The following KIRREL3 variants were observed in gnomAD, a reference collection of about 807,000 sequenced individuals.
The protein encoded by KIRREL3 is kin of IRRE-like protein 3.
A neutral mutation model predicts 89.7 loss-of-function variants in KIRREL3; 36 were observed. The observed-to-expected ratio is 0.40, with a 90% CI of 0.31 to 0.53. The LOEUF (loss-of-function observed/expected upper bound fraction) is 0.53, where lower values mean the gene tolerates loss of function less well. Ranked by LOEUF, KIRREL3 falls within the 20% of genes least tolerant of loss-of-function variation. KIRREL3 has a pLI of 0.49. For missense variants in KIRREL3, 864 were observed against 1,056.6 expected (o/e 0.82, Z 2.53); for synonymous variants, 445 against 441.4 (o/e 1.01, Z -0.10).
At chr11:126,887,879 G>A (rs1945760623) in intron 1 of KIRREL3, among the ~76,000 whole-genome samples, 1 of 152,192 alleles carries the variant, frequency 6.6e-6, no homozygotes, top group Non-Finnish European at 1.5e-5. Context: ...CCCTGGGGAT[G>A]GAATGAGACA....
chr11:126,869,539 C>G (rs1370205467), intron 1 of KIRREL3, among the ~76,000 whole-genome samples: 1 of 152,112 alleles, frequency 6.6e-6, no homozygotes, highest in Non-Finnish European at 1.5e-5. Context: ...TAGATAAATT[C>G]CTCTAATTGT....
chr11:126,602,281 G>A (rs1024835279), intron 1 of KIRREL3, among the ~76,000 whole-genome samples: 14 of 152,124 alleles, frequency 9.2e-5, no homozygotes, highest in African/African-American at 3.1e-4. Flanking sequence ...TTTGGGTCTT[G>A]GGGTTATGGA....
intron 1 of KIRREL3, among the ~76,000 whole-genome samples, chr11:126,852,152 C>A (rs913431302): frequency 2.0e-5 from 3 of 149,538 alleles, no homozygotes; most frequent in African/African-American, 4.9e-5. Flanking sequence ...CTCCCGGGTT[C>A]AAGCGATTCT....
intron 1 of KIRREL3, among the ~76,000 whole-genome samples, chr11:126,866,020 G>A (rs1944906474): frequency 6.6e-6 from 1 of 152,132 alleles, no homozygotes; most frequent in African/African-American, 2.4e-5. Context: ...CACAGGGAAG[G>A]GATTGTTCAT....
intron 1 of KIRREL3, among the ~76,000 whole-genome samples, chr11:126,956,166 C>T (rs921649263): frequency 1.3e-5 from 2 of 152,144 alleles, no homozygotes; most frequent in African/African-American, 2.4e-5. Flanking sequence ...TTCATTCATT[C>T]GTTCACTTAC....
Position 126,601,313 on chromosome 11 carries a change from G to T in KIRREL3, c.56-38401C>A, listed in dbSNP as rs913109747. On this transcript the variant is annotated intron_variant, in intron 1 of 16. Coordinates refer to ENST00000525144, the MANE Select transcript of KIRREL3 (RefSeq NM_032531.4). The surrounding 1 kb of genome is among the most constrained non-coding windows in gnomAD (Gnocchi z 5.8). ...CTGGCAGAGAGACTGAGCGGCAGCC[G>T]TGGGCATCTTGGGTTTTGCAGCTCA... is the stretch of plus-strand genomic sequence containing the variant. 6.6e-6 allele frequency among the ~76,000 whole-genome samples: 1 copy of T among 152,306 alleles called. No individual in the cohort carries two copies. Among genetic ancestry groups the T allele is most frequent in the African/African-American group, 2.4e-5 (1 of 41,572 alleles).
At position 126,990,270 on chromosome 11, in the gene KIRREL3, G is replaced by A. The variant is rs984398634; in HGVS notation, c.55+10185C>T. On this transcript the variant is annotated intron_variant, in intron 1 of 16. Coordinates refer to ENST00000525144, the MANE Select transcript of KIRREL3 (RefSeq NM_032531.4). The surrounding 1 kb of genome is among the most constrained non-coding windows in gnomAD (Gnocchi z 6.3). ...CTCTCTCAAGCCCCTCTGAGCATTT[G>A]CAATTGTACCCCCTTAGCTGCTGCC... Among the ~76,000 whole-genome samples, 3 of 152,140 alleles carry A rather than the reference G, an allele frequency of 2.0e-5. No individual in the cohort carries two copies. The highest frequency in any genetic ancestry group is 7.2e-5 in the African/African-American group (3 of 41,430).
In KIRREL3 at chr11:126,687,708, G is replaced by A. The variant is rs1054127722; in HGVS notation, c.56-124796C>T. ...CTACATGCCAGGCATTGTTTTGGAT[G>A]CTGGGGATACAAAGATAAGTGCTCT... On this transcript the variant is annotated intron_variant, in intron 1 of 16. Coordinates refer to ENST00000525144, the MANE Select transcript of KIRREL3 (RefSeq NM_032531.4). The surrounding 1 kb of genome is among the most constrained non-coding windows in gnomAD (Gnocchi z 4.6). 9.2e-5 allele frequency among the ~76,000 whole-genome samples: 14 copies of A among 152,204 alleles called. No homozygotes were observed. Among genetic ancestry groups the A allele is most frequent in the Non-Finnish European group, 2.1e-4 (14 of 68,042 alleles).
intron 1 of KIRREL3, among the ~76,000 whole-genome samples, chr11:126,907,816 C>T (rs916807150): frequency 2.6e-5 from 4 of 152,052 alleles, no homozygotes; most frequent in Non-Finnish European, 1.5e-5. Flanking sequence ...GCTCATTTTG[C>T]CCCAACCACA....
chr11:126,677,942 G>T lies in KIRREL3; in HGVS notation c.56-115030C>A, dbSNP rs1443643574. ...GTCTTGTCATCAGCCTCAGTGTCAG[G>T]CCCTGGGACCCAGAGACACACCCCG... On this transcript the variant is annotated intron_variant, in intron 1 of 16. Transcript: ENST00000525144. The surrounding 1 kb of genome is among the most constrained non-coding windows in gnomAD (Gnocchi z 5.1). Among the ~76,000 whole-genome samples, 1 of 152,062 alleles carries T rather than the reference G, an allele frequency of 6.6e-6. No individual in the cohort carries two copies. Among genetic ancestry groups the T allele is most frequent in the Non-Finnish European group, 1.5e-5 (1 of 68,022 alleles).
At chr11:126,920,625 G>A (rs1790564916) in intron 1 of KIRREL3, 1 of 152,276 alleles carries the variant, frequency 6.6e-6, no homozygotes, top group Non-Finnish European at 1.5e-5. Context: ...CTCAGGATAT[G>A]TTTTAAGACA....
At chr11:126,799,994 C>T (rs1465830043) in intron 1 of KIRREL3, among the ~76,000 whole-genome samples, 1 of 152,216 alleles carries the variant, frequency 6.6e-6, no homozygotes, top group Non-Finnish European at 1.5e-5. Flanking sequence ...CTAGTTCAAT[C>T]AATCAGGATC....
chr11:126,540,775 A>T (rs1185628311), intron 2 of KIRREL3, among the ~76,000 whole-genome samples: 2 of 152,180 alleles, frequency 1.3e-5, no homozygotes, highest in African/African-American at 2.4e-5. Flanking sequence ...GAGTGGGTTT[A>T]TGGTGGGGGA....
intron 1 of KIRREL3, among the ~76,000 whole-genome samples, chr11:126,984,517 G>T (rs1053194344): frequency 6.6e-6 from 1 of 152,194 alleles, no homozygotes; most frequent in Non-Finnish European, 1.5e-5. Flanking sequence ...CCTGGGAAAA[G>T]CTTCCAGGCC....
chr11:126,604,079 C>G (rs974573973), intron 1 of KIRREL3, among the ~76,000 whole-genome samples: 1 of 152,216 alleles, frequency 6.6e-6, no homozygotes, highest in Non-Finnish European at 1.5e-5. Flanking sequence ...CTTCCTCCCT[C>G]CCTTCTATCC....
intron 6 of KIRREL3, among the ~76,000 whole-genome samples, chr11:126,458,336 G>A (rs1320811113): frequency 6.6e-6 from 1 of 152,240 alleles, no homozygotes; most frequent in Non-Finnish European, 1.5e-5. Context: ...ACCACAAAGG[G>A]AGCAAGGCCC....
In KIRREL3 at chr11:126,812,683, C is replaced by A. The variant is rs190719232; in HGVS notation, c.55+187772G>T. Among the ~76,000 whole-genome samples, 1 of 152,328 alleles carries A rather than the reference C, an allele frequency of 6.6e-6. No individual in the cohort carries two copies. Among genetic ancestry groups the A allele is most frequent in the East Asian group, 1.9e-4 (1 of 5,190 alleles). Reference sequence around the variant, plus strand: ...ACTTTGGGCCTTTGTCCATACAGCACCACACTGGGCGTCAGGGTCCTTTTG... The same window carrying A: ...ACTTTGGGCCTTTGTCCATACAGCAACACACTGGGCGTCAGGGTCCTTTTG... On this transcript the variant is annotated intron_variant, in intron 1 of 16. Transcript: ENST00000525144. The surrounding 1 kb of genome is among the most constrained non-coding windows in gnomAD (Gnocchi z 5.2).
rs1944544073 is a variant in KIRREL3, at chr11:126,643,313, TAAAG to T, written c.56-80405_56-80402del. On this transcript the variant is annotated intron_variant, in intron 1 of 16. Transcript: ENST00000525144. This position sits in a 1 kb window ranked among gnomAD's most constrained non-coding sequence, Gnocchi z 4.5. ...ATTTATTAAACTAATGAATTACAAATAAAGAAAATGTTAGGGAAACACAGAGGGG... is the reference window on the plus strand; with the variant it reads ...ATTTATTAAACTAATGAATTACAAATAAAATGTTAGGGAAACACAGAGGGG... Among the ~76,000 whole-genome samples, 1 of 152,100 alleles carries T rather than the reference TAAAG, an allele frequency of 6.6e-6. No homozygotes were observed. The highest frequency in any genetic ancestry group is 1.5e-5 in the Non-Finnish European group (1 of 68,004).
chr11:126,507,747 G>A (rs1007827127), intron 4 of KIRREL3, among the ~76,000 whole-genome samples: 1 of 152,138 alleles, frequency 6.6e-6, no homozygotes, highest in Non-Finnish European at 1.5e-5. Flanking sequence ...GGTCTTTCTG[G>A]CATCTTCTTG....
Sources: gnomAD v4.1 joint callset for allele counts (sites outside exome capture counted in the v4.1 genomes callset) on GRCh38, gnomAD v4.1.1 for gene constraint, Gnocchi (gnomAD v3.1) non-coding constraint, MANE v1.5 for transcripts, NCBI Gene and HGNC (gene_info 2026-07-23, HGNC 2026-07-21) for gene names.